The following ATAD5 variants were observed in gnomAD, a reference collection of about 807,000 sequenced individuals.
ATAD5 encodes ATPase family AAA domain containing 5.
In ATAD5, 58 loss-of-function variants were observed where a neutral mutation model predicts 176.9. The ratio of observed to expected loss-of-function variants is 0.33; its 90% CI spans 0.27 to 0.41. The LOEUF (loss-of-function observed/expected upper bound fraction) is 0.41, where lower values mean the gene tolerates loss of function less well. ATAD5 is among the 10% of genes least tolerant of loss of function. The pLI, the probability that ATAD5 is intolerant of heterozygous loss-of-function variation, is 1.00. For synonymous variants in ATAD5, 640 were observed against 712.6 expected (o/e 0.90, Z 1.62); for missense variants, 1,789 against 2,094.1 (o/e 0.85, Z 2.84).
intron 18 of ATAD5, among the ~76,000 whole-genome samples, chr17:30,881,583 G>A (rs887609487): frequency 6.6e-6 from 1 of 152,080 alleles, no homozygotes; most frequent in Non-Finnish European, 1.5e-5. Context: ...GATTACAGGC[G>A]TGAGCCACCG....
chr17:30,834,678 A>C lies in ATAD5; in HGVS notation c.597A>C (p.Lys199Asn). 3 of 1,610,170 alleles carry C rather than the reference A, an allele frequency of 1.9e-6. No homozygotes were observed. Among genetic ancestry groups the C allele is most frequent in the Non-Finnish European group, 2.5e-6 (3 of 1,179,104 alleles). The part of the protein sequence containing the change: ...KKVNPKQGTT[K>N]NDFKKLRKRK... ...TAAATCCTAAACAAGGGACCACAAA[A>C]AATGACTTCAAAAAGTTGAGAAAAA... Residue 199 changes from lysine to asparagine, a missense_variant, in exon 2 of 23, where the codon AAA (lysine) becomes AAC (asparagine). Physicochemically the swap from Lys to Asn is moderately conservative, Grantham distance 94 (BLOSUM62 0). Around this residue, in one of 6 missense-constraint regions of ATAD5, gnomAD observed 696 missense variants for 712.5 expected, o/e 0.98. Coordinates refer to ENST00000321990, the MANE Select transcript of ATAD5 (RefSeq NM_024857.5).
intron 9 of ATAD5, among the ~76,000 whole-genome samples, chr17:30,858,982 C>T (rs926344138): frequency 6.6e-6 from 1 of 152,012 alleles, no homozygotes; most frequent in Non-Finnish European, 1.5e-5. Flanking sequence ...GTGATCCTTT[C>T]GCCTTAGCTT....
chr17:30,850,455 G>T (rs1278420998), intron 6 of ATAD5, among the ~76,000 whole-genome samples: 1 of 151,224 alleles, frequency 6.6e-6, no homozygotes, highest in Non-Finnish European at 1.5e-5. Flanking sequence ...CAACCTCCTG[G>T]GTTCAAGTGA....
chr17:30,837,351 C>T, intron 3 of ATAD5, 37 bp downstream of exon 3: 1 of 1,345,760 alleles, frequency 7.4e-7, no homozygotes, highest in Non-Finnish European at 1.0e-6. Context: ...AAGTGCCATT[C>T]TGTTTCCTTA....
chr17:30,855,199 A>G lies in ATAD5; in HGVS notation c.2507A>G (p.Asp836Gly). Residue 836 changes from aspartate to glycine, a missense_variant, in exon 7 of 23, where the codon GAC becomes GGC. Asp to Gly is a moderately conservative substitution (Grantham distance 94). This residue lies in a region of ATAD5 where 487 missense variants were observed against 573.6 expected (regional missense o/e 0.85). Transcript: ENST00000321990. ...DCDVQCKAKRDFLMSGLPDLL... is the reference protein window; with the variant it reads ...DCDVQCKAKRGFLMSGLPDLL... ...GATGTTCAATGTAAAGCAAAGCGTGACTTCCTAATGAGTGGTTTGCCAGAT... is the reference window on the plus strand; with the variant it reads ...GATGTTCAATGTAAAGCAAAGCGTGGCTTCCTAATGAGTGGTTTGCCAGAT... The G allele has an allele frequency of 1.2e-6, 2 of 1,613,986 alleles. No individual in the cohort carries two copies. The highest frequency in any genetic ancestry group is 1.7e-6 in the Non-Finnish European group (2 of 1,179,948).
rs762738118 is a variant in ATAD5 at position 30,879,446 on chromosome 17, G to C, written c.4036G>C (p.Asp1346His). The C allele has an allele frequency of 1.0e-5, 16 of 1,586,232 alleles. No individual in the cohort carries two copies. The Admixed American group carries it at 2.9e-4, about 28-fold the overall frequency. Residue 1346 changes from aspartate (D) to histidine (H), a missense_variant, in exon 18 of 23, where the codon GAT (aspartate) becomes CAT (histidine). By Grantham distance (81) the Asp-to-His change is moderately conservative. This residue lies in a region of ATAD5 where 194 missense variants were observed against 270.1 expected (regional missense o/e 0.72). Coordinates refer to ENST00000321990, the MANE Select transcript of ATAD5 (RefSeq NM_024857.5). Reference sequence around the variant, plus strand: ...AGACCCAACATTTAGTTTAATGTTTGATGGCTGCTTTGAAGAAATCAAGTT... The same window carrying C: ...AGACCCAACATTTAGTTTAATGTTTCATGGCTGCTTTGAAGAAATCAAGTT... The part of the protein sequence containing the change: ...TSDPTFSLMF[D>H]GCFEEIKFST...
chr17:30,848,307 G>A (rs1006088667), intron 6 of ATAD5, among the ~76,000 whole-genome samples: 1 of 151,724 alleles, frequency 6.6e-6, no homozygotes, highest in East Asian at 2.0e-4. Context: ...GTATAGTGGC[G>A]CAATTACAGC....
At chr17:30,890,714 C>T (rs1482878299) in intron 19 of ATAD5, among the ~76,000 whole-genome samples, 1 of 151,980 alleles carries the variant, frequency 6.6e-6, no homozygotes, top group African/African-American at 2.4e-5. Context: ...AGCCACAGCA[C>T]TTGGCTGGGG....
intron 18 of ATAD5, among the ~76,000 whole-genome samples, chr17:30,880,328 G>T (rs1908938314): frequency 6.6e-6 from 1 of 151,916 alleles, no homozygotes; most frequent in Non-Finnish European, 1.5e-5. Context: ...TAAATACCTG[G>T]CCGGGCGTAG....
intron 10 of ATAD5, among the ~76,000 whole-genome samples, chr17:30,861,191 AC>A (rs1175486414): frequency 3.5e-5 from 3 of 86,668 alleles, no homozygotes; most frequent in Non-Finnish European, 6.8e-5. Flanking sequence ...CAGGTGATCC[AC>A]CCCCCACCCC....
chr17:30,893,608 T>C lies in ATAD5; in HGVS notation c.4755T>C (p.Phe1585=), dbSNP rs1156471262. Residue 1585 remains phenylalanine (F), a synonymous_variant, in exon 21 of 23, where the codon TTT becomes TTC. Coordinates refer to ENST00000321990, the MANE Select transcript of ATAD5 (RefSeq NM_024857.5). ...ATCTATTTGACACTGACTTGGACTT[T>C]CCTGATCAATCTATTAGCCTGTCCT... ...DSDLFDTDLD[F]PDQSISLSSV... The C allele has an allele frequency of 6.2e-7, 1 of 1,613,960 alleles. No homozygotes were observed. The highest frequency in any genetic ancestry group is 1.7e-5 in the Admixed American group (1 of 59,992).
chr17:30,843,908 C>T lies in ATAD5; in HGVS notation c.2242-5C>T, dbSNP rs190763962. 3 of 1,333,750 alleles carry T rather than the reference C, an allele frequency of 2.2e-6. No homozygotes were observed. The highest frequency in any genetic ancestry group is 3.0e-6 in the Non-Finnish European group (3 of 985,642). 82.6% of individuals were successfully genotyped at this position (1,333,750 alleles called of 1,614,324 possible). A position where few individuals can be genotyped will look rare whatever the true frequency, so the allele number is the denominator to read the frequency against. ...ATTAAAATTTATTCTCTTATTTTGT[C>T]TTAGGATTCTGTTATAATAATAGAT... On this transcript the variant is annotated splice_polypyrimidine_tract_variant and splice_region_variant and intron_variant, in intron 4 of 22. Coordinates refer to ENST00000321990, the MANE Select transcript of ATAD5 (RefSeq NM_024857.5).
In ATAD5 at chr17:30,860,453, C is replaced by T. The variant is rs1907558445; in HGVS notation, c.2977C>T (p.His993Tyr). The change falls in exon 10 of 23, where the codon CAT (histidine) becomes TAT (tyrosine). Residue 993 changes from histidine to tyrosine, a missense_variant. His to Tyr is a moderately conservative substitution (Grantham distance 83). This residue lies in a region of ATAD5 where 487 missense variants were observed against 573.6 expected (regional missense o/e 0.85). Transcript: ENST00000321990. ...AGCAGAACTGGAGGCTGATGTCAGC[C>T]ATAAAGAAACCAAAAGGAAACTCGT... is the stretch of plus-strand genomic sequence containing the variant. ...SKQELEADVS[H>Y]KETKRKLVEA... 1 of 1,592,944 alleles carries T rather than the reference C, an allele frequency of 6.3e-7. No individual in the cohort carries two copies. The highest frequency in any genetic ancestry group is 2.2e-5 in the East Asian group (1 of 44,546).
At chr17:30,880,144 A>C (rs1161031411) in intron 18 of ATAD5, among the ~76,000 whole-genome samples, 17 of 151,630 alleles carry the variant, frequency 1.1e-4, no homozygotes, top group Admixed American at 1.1e-3. Context: ...TCTACACAAA[A>C]ATACAAAAAA....
rs1247033100 is a variant in ATAD5, at chr17:30,840,217, A to AC, written c.2077-400_2077-399insC. Among the ~76,000 whole-genome samples the AC allele has an allele frequency of 6.1e-3, 909 of 147,958 alleles. 8 individuals carry two copies. The highest frequency in any genetic ancestry group is 0.022 in the African/African-American group (867 of 39,544). On this transcript the variant is annotated intron_variant, in intron 3 of 22. Transcript: ENST00000321990. ...TGTTAAAAAAAAAAAAAAAAAAAAA[A>AC]AACAACCTTGAGGCCAAGGTCCATG...
chr17:30,867,391 CA>C (rs916513125), intron 11 of ATAD5, among the ~76,000 whole-genome samples: 1 of 151,804 alleles, frequency 6.6e-6, no homozygotes. Flanking sequence ...AAGACTGTCT[CA>C]AAAAAAGAAA....
intron 7 of ATAD5, 101 bp from the exon 8 acceptor site, chr17:30,856,854 A>C: frequency 9.0e-7 from 1 of 1,108,828 alleles, no homozygotes; most frequent in Non-Finnish European, 1.2e-6. Context: ...TGTTTGTGTT[A>C]ATTATGTAGT....
intron 8 of ATAD5, among the ~76,000 whole-genome samples, chr17:30,857,933 G>A (rs1907383533): frequency 6.6e-6 from 1 of 151,968 alleles, no homozygotes; most frequent in African/African-American, 2.4e-5. Flanking sequence ...GTAGACACGG[G>A]GTTTTGCCAT....
chr17:30,832,314 G>C lies in ATAD5; in HGVS notation c.-34G>C, dbSNP rs1294789417. ...GGCAGGCCGGGCTGGACCGCGTGAG[G>C]TCCTAGGAGACGGGATTCCGGGAAG... On this transcript the variant is annotated 5_prime_UTR_variant, in exon 1 of 23. Coordinates refer to ENST00000321990, the MANE Select transcript of ATAD5 (RefSeq NM_024857.5). 6.5e-7 allele frequency: 1 copy of C among 1,529,010 alleles called. No individual in the cohort carries two copies. Among genetic ancestry groups the C allele is most frequent in the Non-Finnish European group, 8.8e-7 (1 of 1,135,692 alleles). The allele number at this position is 1,529,010 out of a possible 1,614,324, so 94.7% of individuals were successfully genotyped here. A position where few individuals can be genotyped will look rare whatever the true frequency, so the allele number is the denominator to read the frequency against.
Sources: allele counts gnomAD v4.1 joint callset (sites outside exome capture counted in the v4.1 genomes callset), GRCh38; gene constraint gnomAD v4.1.1; regional missense constraint gnomAD v4.1.1; transcripts MANE v1.5; gene names NCBI Gene and HGNC (gene_info 2026-07-23, HGNC 2026-07-21).